DOCK7: variants seen among roughly 807,000 people sequenced by gnomAD.
DOCK7 encodes dedicator of cytokinesis 7.
Under a neutral mutation model 271.0 loss-of-function variants are expected in DOCK7, and 138 were observed. The observed-to-expected ratio is 0.51, with a 90% CI of 0.44 to 0.59. The LOEUF (loss-of-function observed/expected upper bound fraction) is 0.59, where lower values mean the gene tolerates loss of function less well. DOCK7 is among the 20% of genes least tolerant of loss of function. The probability of loss-of-function intolerance (pLI) is 0.00; values close to 1 mark genes in which losing one functional copy is unlikely to be tolerated. For synonymous variants in DOCK7, 823 were observed against 876.1 expected, an observed-to-expected ratio of 0.94 and a Z score of 1.07; for missense variants, 2,066 against 2,592.4, an observed-to-expected ratio of 0.80 and a Z score of 4.41.
At chr1:62,512,914 TA>T (rs200987004) in intron 33 of DOCK7, among the ~76,000 whole-genome samples, 60 of 140,786 alleles carry the variant, frequency 4.3e-4, no homozygotes, top group Non-Finnish European at 4.4e-4. Flanking sequence ...CTGTCTCAAC[TA>T]AAAAAAAAAA....
At chr1:62,556,117 G>T in intron 20 of DOCK7, 128 bp from the exon 21 acceptor site, 4 of 915,142 alleles carry the variant, frequency 4.4e-6, no homozygotes, top group Non-Finnish European at 4.9e-6. Flanking sequence ...GTATAAAGAT[G>T]ATTACTATTT....
intron 14 of DOCK7, 28 bp from the exon 15 acceptor site, chr1:62,586,652 T>A: frequency 7.3e-7 from 1 of 1,368,324 alleles, no homozygotes; most frequent in Non-Finnish European, 1.0e-6. Flanking sequence ...TAGATGATAG[T>A]AAATACATAT....
At chr1:62,541,216 G>C (rs562499203) in intron 25 of DOCK7, among the ~76,000 whole-genome samples, 1 of 151,966 alleles carries the variant, frequency 6.6e-6, no homozygotes, top group South Asian at 2.1e-4. Flanking sequence ...TTACAGTCCT[G>C]CTACCTACAA....
At chr1:62,609,230 A>T (rs1651433663) in intron 14 of DOCK7, 1 of 152,214 alleles carries the variant, frequency 6.6e-6, no homozygotes. Flanking sequence ...CCTTAATAAA[A>T]TGAGGTTTTA....
chr1:62,468,348 G>A (rs1177401223), intron 48 of DOCK7, among the ~76,000 whole-genome samples: 7 of 129,688 alleles, frequency 5.4e-5, no homozygotes, highest in East Asian at 2.1e-4. Flanking sequence ...GCAACAGAGC[G>A]AGACTCTGTC....
chr1:62,634,169 G>A (rs1654961925), intron 9 of DOCK7, among the ~76,000 whole-genome samples: 2 of 151,882 alleles, frequency 1.3e-5, no homozygotes, highest in African/African-American at 4.8e-5. Flanking sequence ...AAAAGAGTAA[G>A]ATACTTACAA....
chr1:62,571,852 T>G (rs1646791222), intron 18 of DOCK7, among the ~76,000 whole-genome samples: 1 of 151,936 alleles, frequency 6.6e-6, no homozygotes, highest in South Asian at 2.1e-4. Context: ...AGCTGAACAA[T>G]AAGAACACAT....
At chr1:62,639,263 G>A (rs1655674972) in intron 7 of DOCK7, among the ~76,000 whole-genome samples, 1 of 151,912 alleles carries the variant, frequency 6.6e-6, no homozygotes, top group African/African-American at 2.4e-5. Context: ...AAAGTGAAAT[G>A]CTAATTTACT....
intron 48 of DOCK7, chr1:62,461,022 A>C (rs1182527329): frequency 3.9e-5 from 6 of 152,210 alleles, no homozygotes; most frequent in Non-Finnish European, 8.8e-5. Context: ...TTAGATTAAA[A>C]GATTAAAGGA....
chr1:62,494,244 T>C (rs1273087701), intron 40 of DOCK7, 31 bp downstream of exon 40: 1 of 1,530,506 alleles, frequency 6.5e-7, no homozygotes, highest in Non-Finnish European at 8.9e-7. Flanking sequence ...AAGATATACC[T>C]TGATTTAATG....
At chr1:62,677,551 A>T (rs1335102036) in intron 1 of DOCK7, among the ~76,000 whole-genome samples, 1 of 135,402 alleles carries the variant, frequency 7.4e-6, no homozygotes, top group Non-Finnish European at 1.5e-5. Context: ...CCCAGCAAAT[A>T]AAAAAAAAAA....
chr1:62,631,143 C>A, intron 11 of DOCK7, 97 bp downstream of exon 11: 1 of 1,106,996 alleles, frequency 9.0e-7, no homozygotes, highest in South Asian at 1.8e-5. Flanking sequence ...CAAGATCGTG[C>A]CACTGCCCTC....
At position 62,606,790 on chromosome 1, in the gene DOCK7, T is replaced by C. The variant is rs536581198; in HGVS notation, c.1682+11916A>G. ...CTATCTGCTCTCACGGACTCCTTTATTTACCATGAATAAAGTTCCAAAATC... is the reference window on the plus strand; with the variant it reads ...CTATCTGCTCTCACGGACTCCTTTACTTACCATGAATAAAGTTCCAAAATC... On this transcript the variant is annotated intron_variant, in intron 14 of 49. Coordinates refer to ENST00000635253, the MANE Select transcript of DOCK7 (RefSeq NM_001367561.1). Among the ~76,000 whole-genome samples, 40 of 152,264 alleles carry C rather than the reference T, an allele frequency of 2.6e-4. No individual in the cohort carries two copies. The East Asian group carries it at 7.3e-3, about 28-fold the overall frequency.
At chr1:62,582,272 C>T (rs190009160) in intron 16 of DOCK7, among the ~76,000 whole-genome samples, 1,635 of 152,126 alleles carry the variant, frequency 0.011, 10 homozygotes, top group Non-Finnish European at 0.017. Context: ...TAAAAGAGGC[C>T]GGGCGCGGTG....
intron 18 of DOCK7, among the ~76,000 whole-genome samples, chr1:62,564,491 C>T (rs1646442954): frequency 6.6e-6 from 1 of 152,124 alleles, no homozygotes; most frequent in Admixed American, 6.6e-5. Flanking sequence ...AATAGATGTT[C>T]CTTGAAACCA....
chr1:62,592,537 A>G (rs1648601346), intron 14 of DOCK7, among the ~76,000 whole-genome samples: 1 of 152,170 alleles, frequency 6.6e-6, no homozygotes, highest in Non-Finnish European at 1.5e-5. Context: ...GAAAAAATCT[A>G]TTGTTTGTTA....
intron 10 of DOCK7, among the ~76,000 whole-genome samples, chr1:62,632,453 C>G (rs761120681): frequency 3.3e-5 from 5 of 152,086 alleles, no homozygotes; most frequent in African/African-American, 4.8e-5. Flanking sequence ...GTGCTCAGAT[C>G]TACAGAAAAA....
intron 1 of DOCK7, among the ~76,000 whole-genome samples, chr1:62,671,272 G>A (rs1659967448): frequency 6.6e-6 from 1 of 152,200 alleles, no homozygotes; most frequent in Admixed American, 6.5e-5. Flanking sequence ...CTAGCAGAGT[G>A]CCCAGCACAT....
chr1:62,635,005 T>A, intron 8 of DOCK7, 83 bp from the exon 9 acceptor site: 1 of 839,600 alleles, frequency 1.2e-6, no homozygotes, highest in Non-Finnish European at 1.8e-6. Flanking sequence ...TTCTGCTACT[T>A]ACTTTTAGAA....
Sources: allele counts gnomAD v4.1 joint callset (sites outside exome capture counted in the v4.1 genomes callset), GRCh38; gene constraint gnomAD v4.1.1; transcripts MANE v1.5; gene names NCBI Gene and HGNC (gene_info 2026-07-23, HGNC 2026-07-21).